The following ULK4 variants were observed in gnomAD, a reference collection of about 807,000 sequenced individuals.
ULK4 encodes the protein inactive serine/threonine-protein kinase ULK4.
Under a neutral mutation model 160.6 loss-of-function variants are expected in ULK4, and 133 were observed. The observed-to-expected ratio is 0.83, with a 90% CI of 0.72 to 0.96. The LOEUF (loss-of-function observed/expected upper bound fraction) is 0.96. Among genes scored for constraint, ULK4 ranks in the 40% least tolerant of loss-of-function variants. The probability of loss-of-function intolerance (pLI) is 0.00; values close to 1 mark genes in which losing one functional copy is unlikely to be tolerated. For missense variants in ULK4, 1,580 were observed against 1,499.5 expected, an observed-to-expected ratio of 1.05 and a Z score of -0.89; for synonymous variants, 534 against 539.8, an observed-to-expected ratio of 0.99 and a Z score of 0.15.
intron 35 of ULK4, among the ~76,000 whole-genome samples, chr3:41,292,054 C>T (rs545942972): frequency 4.2e-4 from 64 of 151,966 alleles, no homozygotes; most frequent in African/African-American, 1.5e-3. Context: ...AGGATGGTCT[C>T]GATCTCCTGA....
intron 20 of ULK4, 141 bp from the exon 21 acceptor site, chr3:41,789,984 G>C (rs947705366): frequency 5.5e-6 from 4 of 722,428 alleles, no homozygotes; most frequent in African/African-American, 3.7e-5. Flanking sequence ...CAAGAAAGTT[G>C]GCAATTTTCA....
chr3:41,685,142 C>T (rs1027504473), intron 27 of ULK4, among the ~76,000 whole-genome samples: 1 of 152,208 alleles, frequency 6.6e-6, no homozygotes, highest in Non-Finnish European at 1.5e-5. Flanking sequence ...CTTCTGACTT[C>T]CTGTCTTGAA....
intron 35 of ULK4, among the ~76,000 whole-genome samples, chr3:41,381,677 C>G (rs1219912289): frequency 1.3e-5 from 2 of 152,198 alleles, no homozygotes; most frequent in Non-Finnish European, 2.9e-5. Flanking sequence ...GATCAGGACT[C>G]TGCTGATACA....
chr3:41,755,583 CT>C (rs556240458), intron 21 of ULK4, among the ~76,000 whole-genome samples: 1 of 152,110 alleles, frequency 6.6e-6, no homozygotes, highest in Non-Finnish European at 1.5e-5. Context: ...CTAATTTATA[CT>C]CTGTGGTCTA....
intron 25 of ULK4, among the ~76,000 whole-genome samples, chr3:41,707,858 T>C (rs1274602486): frequency 6.7e-6 from 1 of 149,058 alleles, no homozygotes; most frequent in Non-Finnish European, 1.5e-5. Context: ...AGTCAAAGGA[T>C]TGAATAGACA....
At chr3:41,719,770 T>G (rs1354357501) in intron 22 of ULK4, among the ~76,000 whole-genome samples, 1 of 152,168 alleles carries the variant, frequency 6.6e-6, no homozygotes, top group Non-Finnish European at 1.5e-5. Context: ...TAAACTAATC[T>G]TGTCCATCAG....
At chr3:41,794,755 G>A (rs1025653537) in intron 20 of ULK4, among the ~76,000 whole-genome samples, 5 of 151,334 alleles carry the variant, frequency 3.3e-5, no homozygotes, top group South Asian at 2.1e-4. Context: ...CATTAGAGGC[G>A]AGAGAGCAGA....
At chr3:41,669,879 A>G (rs931154804) in intron 29 of ULK4, among the ~76,000 whole-genome samples, 1 of 152,244 alleles carries the variant, frequency 6.6e-6, no homozygotes, top group Non-Finnish European at 1.5e-5. Context: ...GGGGACAGAC[A>G]GGTTCCAAAC....
At chr3:41,323,391 A>AACACACACACACACACACAC (rs34357899) in intron 35 of ULK4, among the ~76,000 whole-genome samples, 1 of 120,266 alleles carries the variant, frequency 8.3e-6, no homozygotes, top group African/African-American at 3.1e-5. Context: ...CCTGAACAAT[A>AACACACACACACACACACAC]ACACACACAC....
chr3:41,517,624 A>G (rs2085793828), intron 32 of ULK4, among the ~76,000 whole-genome samples: 1 of 152,210 alleles, frequency 6.6e-6, no homozygotes, highest in Non-Finnish European at 1.5e-5. Flanking sequence ...AGTCTCTAGA[A>G]AAATAATTTT....
intron 32 of ULK4, among the ~76,000 whole-genome samples, chr3:41,506,773 T>TATATATATATATAA (rs2085401423): frequency 5.0e-5 from 1 of 20,110 alleles, no homozygotes; most frequent in African/African-American, 1.5e-4. Flanking sequence ...TTAAAATATA[T>TATATATATATATAA]ATATATATAT....
chr3:41,681,553 G>A lies in ULK4; in HGVS notation c.2933C>T (p.Ser978Phe). 6.2e-7 allele frequency: 1 copy of A among 1,613,962 alleles called. No individual in the cohort carries two copies. The highest frequency in any genetic ancestry group is 8.5e-7 in the Non-Finnish European group (1 of 1,179,988). ...GDGKEKASVD[S>F]DSNLLALIRD... ...AATGAGAGCCAGAAGATTGCTGTCA[G>A]AATCAACACTGGCCTTCTCCTTGCC... Residue 978 changes from serine (S) to phenylalanine (F), a missense_variant, in exon 29 of 37, where the codon TCT becomes TTT. Ser to Phe is a radical substitution (Grantham distance 155, BLOSUM62 -2). Coordinates refer to ENST00000301831, the MANE Select transcript of ULK4 (RefSeq NM_017886.4).
At chr3:41,690,233 C>G (rs1185939745) in intron 27 of ULK4, among the ~76,000 whole-genome samples, 1 of 150,690 alleles carries the variant, frequency 6.6e-6, no homozygotes, top group Admixed American at 6.6e-5. Context: ...TAGGTGGGAA[C>G]TGAACAATGA....
chr3:41,938,067 T>C (rs898843840), intron 3 of ULK4, 31 bp downstream of exon 3: 2 of 1,519,718 alleles, frequency 1.3e-6, no homozygotes, highest in Non-Finnish European at 1.8e-6. Flanking sequence ...CAATACTATA[T>C]TCATAGCACT....
intron 27 of ULK4, 93 bp downstream of exon 27, chr3:41,704,964 A>T: frequency 8.6e-6 from 8 of 933,218 alleles, no homozygotes; most frequent in Non-Finnish European, 1.1e-5. Flanking sequence ...TGAGGAACAC[A>T]TATGAGCCAA....
At chr3:41,738,287 A>T (rs147161505) in intron 22 of ULK4, among the ~76,000 whole-genome samples, 1 of 152,116 alleles carries the variant, frequency 6.6e-6, no homozygotes, top group Non-Finnish European at 1.5e-5. Flanking sequence ...CTACTGGAGC[A>T]AATCATCATA....
intron 22 of ULK4, among the ~76,000 whole-genome samples, chr3:41,732,277 G>GA (rs555595006): frequency 5.3e-5 from 8 of 149,908 alleles, no homozygotes; most frequent in Admixed American, 1.3e-4. Context: ...AATAGCAAAA[G>GA]AAAAAAAAAT....
At chr3:41,596,630 C>T (rs141920947) in intron 31 of ULK4, among the ~76,000 whole-genome samples, 32 of 152,054 alleles carry the variant, frequency 2.1e-4, no homozygotes, top group East Asian at 1.4e-3. Flanking sequence ...AGGTGGCATT[C>T]GGAGTGAGAT....
At chr3:41,400,170 G>C (rs1167465595) in intron 34 of ULK4, among the ~76,000 whole-genome samples, 2 of 152,002 alleles carry the variant, frequency 1.3e-5, no homozygotes, top group African/African-American at 4.8e-5. Flanking sequence ...CAATATCACA[G>C]CTAGAACCTT....
Sources: allele counts gnomAD v4.1 joint callset (sites outside exome capture counted in the v4.1 genomes callset), GRCh38; gene constraint gnomAD v4.1.1; transcripts MANE v1.5; gene names NCBI Gene and HGNC (gene_info 2026-07-23, HGNC 2026-07-21).